The following OSBPL8 variants were observed in gnomAD, a reference collection of about 807,000 sequenced individuals.
The protein encoded by OSBPL8 is oxysterol binding protein like 8.
A neutral mutation model predicts 125.5 loss-of-function variants in OSBPL8; 59 were observed. The observed-to-expected ratio is 0.47, with a 90% CI of 0.38 to 0.58. The LOEUF is 0.58. Among genes scored for constraint, OSBPL8 ranks in the 20% least tolerant of loss-of-function variants. The probability of loss-of-function intolerance (pLI) is 0.00; values close to 1 mark genes in which losing one functional copy is unlikely to be tolerated. For synonymous variants in OSBPL8, 330 were observed against 338.9 expected (o/e 0.97, Z 0.29); for missense variants, 758 against 1,047.8 (o/e 0.72, Z 3.82).
intron 1 of OSBPL8, among the ~76,000 whole-genome samples, chr12:76,556,222 A>G (rs1951093789): frequency 1.3e-5 from 2 of 152,200 alleles, no homozygotes; most frequent in African/African-American, 4.8e-5. Flanking sequence ...AGCAAAACAG[A>G]CAAGGTCCTT....
At chr12:76,435,283 T>C (rs983135165) in intron 4 of OSBPL8, among the ~76,000 whole-genome samples, 3 of 152,014 alleles carry the variant, frequency 2.0e-5, no homozygotes, top group African/African-American at 7.2e-5. Context: ...TTATGCTAAG[T>C]GAAATAAGCC....
Position 76,352,487 on chromosome 12 carries a change from C to T in OSBPL8, c.*3402G>A, listed in dbSNP as rs1425652981. On this transcript the variant is annotated 3_prime_UTR_variant, in exon 24 of 24. Coordinates refer to ENST00000261183, the MANE Select transcript of OSBPL8 (RefSeq NM_020841.5). ...AAAATGAAACCAAATTACATAATGG[C>T]AGGTTATACATTTTAAAGAATCTCT... The T allele has an allele frequency of 6.6e-6, 1 of 152,416 alleles. No homozygotes were observed. Among genetic ancestry groups the T allele is most frequent in the African/African-American group, 2.4e-5 (1 of 41,394 alleles). 9.4% of individuals were successfully genotyped at this position (152,416 alleles called of 1,614,324 possible).
rs757124187 is a variant in OSBPL8, at chr12:76,394,614, CA to C, written c.757+30del. 6 of 1,555,354 alleles carry C rather than the reference CA, an allele frequency of 3.9e-6. No individual in the cohort carries two copies. The South Asian group carries it at 7.0e-5, about 18-fold the overall frequency. ...TAAAAAAACTCTTAAAAATGAAGAC[CA>C]AAATCCAATCCATCAAAAACTATAC... On this transcript the variant is annotated intron_variant, in intron 9 of 23. Coordinates refer to ENST00000261183, the MANE Select transcript of OSBPL8 (RefSeq NM_020841.5).
intron 1 of OSBPL8, among the ~76,000 whole-genome samples, chr12:76,491,651 A>C (rs1180543105): frequency 6.6e-6 from 1 of 152,182 alleles, no homozygotes; most frequent in Non-Finnish European, 1.5e-5. Context: ...TCAAGGACAG[A>C]GGCTATTTTA....
chr12:76,458,584 A>C (rs1874340933), intron 3 of OSBPL8, among the ~76,000 whole-genome samples: 3 of 152,000 alleles, frequency 2.0e-5, no homozygotes, highest in Admixed American at 2.0e-4. Flanking sequence ...CTAGCTACTC[A>C]GGTGGCAGGA....
intron 4 of OSBPL8, among the ~76,000 whole-genome samples, chr12:76,446,115 G>C (rs1224330639): frequency 1.3e-5 from 2 of 152,084 alleles, no homozygotes; most frequent in African/African-American, 4.8e-5. Context: ...AATTCCATGA[G>C]CTAAGGCATA....
chr12:76,393,133 TAGG>T (rs1953634611), intron 9 of OSBPL8, among the ~76,000 whole-genome samples: 1 of 152,228 alleles, frequency 6.6e-6, no homozygotes, highest in Non-Finnish European at 1.5e-5. Context: ...TTTTTGTTAA[TAGG>T]AGGTCTATCC....
chr12:76,414,383 G>T (rs1868362844), intron 4 of OSBPL8, among the ~76,000 whole-genome samples: 1 of 149,750 alleles, frequency 6.7e-6, no homozygotes, highest in South Asian at 2.1e-4. Flanking sequence ...ATATATATTT[G>T]GATATAGATA....
intron 1 of OSBPL8, among the ~76,000 whole-genome samples, chr12:76,508,753 G>A (rs947273185): frequency 2.0e-5 from 3 of 152,072 alleles, no homozygotes; most frequent in Non-Finnish European, 2.9e-5. Context: ...TCTCACCAGC[G>A]CCTGACAGTT....
rs966788120 is a variant in OSBPL8, at chr12:76,352,764, T to G, written c.*3125A>C. The G allele has an allele frequency of 9.8e-5, 15 of 152,546 alleles. No homozygotes were observed. Among genetic ancestry groups the G allele is most frequent in the African/African-American group, 3.6e-4 (15 of 41,442 alleles). 9.4% of individuals were successfully genotyped at this position (152,546 alleles called of 1,614,324 possible). On this transcript the variant is annotated 3_prime_UTR_variant, in exon 24 of 24. Coordinates refer to ENST00000261183, the MANE Select transcript of OSBPL8 (RefSeq NM_020841.5). ...AAAAATGGAATTTTATACATTTGTT[T>G]TCTTAAATTTTGACAGATATTCTTC... is the stretch of plus-strand genomic sequence containing the variant.
At position 76,353,321 on chromosome 12, in the gene OSBPL8, T is replaced by C. The variant is rs1420853139; in HGVS notation, c.*2568A>G. 1 of 150,272 alleles carries C rather than the reference T, an allele frequency of 6.7e-6. No individual in the cohort carries two copies. Among genetic ancestry groups the C allele is most frequent in the Non-Finnish European group, 1.5e-5 (1 of 67,392 alleles). 9.3% of individuals were successfully genotyped at this position (150,272 alleles called of 1,614,324 possible). On this transcript the variant is annotated 3_prime_UTR_variant, in exon 24 of 24. Coordinates refer to ENST00000261183, the MANE Select transcript of OSBPL8 (RefSeq NM_020841.5). ...TTGTTGTTTTTTTTTTTTTTTTACATGTCCTGGGCCAGCTACATTTTACTA... is the reference window on the plus strand; with the variant it reads ...TTGTTGTTTTTTTTTTTTTTTTACACGTCCTGGGCCAGCTACATTTTACTA...
At chr12:76,512,962 T>C (rs994884158) in intron 1 of OSBPL8, among the ~76,000 whole-genome samples, 1 of 152,240 alleles carries the variant, frequency 6.6e-6, no homozygotes, top group African/African-American at 2.4e-5. Flanking sequence ...TGAATGACAC[T>C]GATGTGGCTC....
At chr12:76,548,952 G>C (rs916609597) in intron 1 of OSBPL8, among the ~76,000 whole-genome samples, 1 of 151,896 alleles carries the variant, frequency 6.6e-6, no homozygotes, top group Admixed American at 6.6e-5. Context: ...TAGACACAAG[G>C]AGACACAAGG....
chr12:76,441,488 G>A (rs753376915), intron 4 of OSBPL8, among the ~76,000 whole-genome samples: 1 of 151,964 alleles, frequency 6.6e-6, no homozygotes, highest in African/African-American at 2.4e-5. Flanking sequence ...CTAGGCCTCA[G>A]GTAAGAAAAA....
At chr12:76,519,076 T>G (rs566719923) in intron 1 of OSBPL8, among the ~76,000 whole-genome samples, 1 of 152,346 alleles carries the variant, frequency 6.6e-6, no homozygotes, top group South Asian at 2.1e-4. Flanking sequence ...ATTTTCCGAA[T>G]TTTTATGCTC....
At chr12:76,369,417 G>C (rs1452054998) in intron 20 of OSBPL8, 116 bp from the exon 21 acceptor site, 2 of 1,421,750 alleles carry the variant, frequency 1.4e-6, no homozygotes, top group African/African-American at 1.5e-5. Context: ...CTAATAATGA[G>C]ATTTCCCCAT....
At chr12:76,393,884 G>A (rs1027963566) in intron 9 of OSBPL8, among the ~76,000 whole-genome samples, 21 of 151,982 alleles carry the variant, frequency 1.4e-4, no homozygotes, top group African/African-American at 5.1e-4. Context: ...GCTGGGCGTG[G>A]TGGCATGTGC....
At chr12:76,365,830 C>A (rs894224719) in intron 21 of OSBPL8, among the ~76,000 whole-genome samples, 2 of 152,040 alleles carry the variant, frequency 1.3e-5, no homozygotes, top group African/African-American at 4.8e-5. Flanking sequence ...TTGTCAAATG[C>A]CTTTTCTATG....
chr12:76,401,389 A>G (rs1954046980), intron 6 of OSBPL8, among the ~76,000 whole-genome samples: 1 of 152,366 alleles, frequency 6.6e-6, no homozygotes, highest in African/African-American at 2.4e-5. Context: ...AATTAAAATA[A>G]TAAGAGAGCT....
Sources: gnomAD v4.1 joint callset for allele counts (sites outside exome capture counted in the v4.1 genomes callset) on GRCh38, gnomAD v4.1.1 for gene constraint, MANE v1.5 for transcripts, NCBI Gene and HGNC (gene_info 2026-07-23, HGNC 2026-07-21) for gene names.